CSMD3: variants seen among roughly 807,000 people sequenced by gnomAD.
CSMD3 encodes CUB and sushi domain-containing protein 3.
In CSMD3, 177 loss-of-function variants were observed where a neutral mutation model predicts 435.2. The ratio of observed to expected loss-of-function variants is 0.41; its 90% CI spans 0.36 to 0.46. The LOEUF is 0.46. CSMD3 is among the 20% of genes least tolerant of loss of function. CSMD3 has a pLI of 0.34. For missense variants in CSMD3, 4,265 were observed against 4,504.6 expected, an observed-to-expected ratio of 0.95 and a Z score of 1.52; for synonymous variants, 1,656 against 1,520.5, an observed-to-expected ratio of 1.09 and a Z score of -2.07.
At chr8:113,215,111 C>T (rs903117199) in intron 3 of CSMD3, among the ~76,000 whole-genome samples, 7 of 151,768 alleles carry the variant, frequency 4.6e-5, no homozygotes, top group Non-Finnish European at 8.8e-5. Flanking sequence ...ATTTTTATGG[C>T]TTTAAAGATA....
intron 13 of CSMD3, among the ~76,000 whole-genome samples, chr8:112,712,548 T>A (rs1380840902): frequency 2.0e-5 from 3 of 152,120 alleles, no homozygotes; most frequent in Non-Finnish European, 4.4e-5. Flanking sequence ...TCACTGCTGA[T>A]GTAGAGTAAC....
chr8:113,430,680 A>G (rs1281638231), intron 1 of CSMD3, among the ~76,000 whole-genome samples: 1 of 152,210 alleles, frequency 6.6e-6, no homozygotes, highest in Non-Finnish European at 1.5e-5. Flanking sequence ...GAACACTTTG[A>G]AAATCACTGT....
chr8:112,884,151 C>T (rs1324689399), intron 10 of CSMD3, among the ~76,000 whole-genome samples: 1 of 151,884 alleles, frequency 6.6e-6, no homozygotes, highest in Non-Finnish European at 1.5e-5. Context: ...ACAGAAACTG[C>T]ACTGAGCTAT....
chr8:113,428,204 A>ATATCTGTCTATCTATC (rs1408422291), intron 1 of CSMD3, among the ~76,000 whole-genome samples: 1 of 146,116 alleles, frequency 6.8e-6, no homozygotes, highest in African/African-American at 2.5e-5. Context: ...CAACTGTGGG[A>ATATCTGTCTATCTATC]TATCTATCTA....
chr8:113,028,071 A>C (rs934504468), intron 5 of CSMD3, among the ~76,000 whole-genome samples: 1 of 152,096 alleles, frequency 6.6e-6, no homozygotes, highest in Non-Finnish European at 1.5e-5. Flanking sequence ...GTTTGTGACA[A>C]TGCTGCATTG....
Position 113,314,646 on chromosome 8 carries a change from G to T in CSMD3, c.326C>A (p.Ser109Ter). ...ERNRIQIVFQ[S>*]FALEEEYDYL... ...GTCGTATTCTTCTTCTAGAGCAAAT[G>T]ACTGAAAAACAATTTGTATTCTATT... The change falls in exon 2 of 71, where the codon TCA (serine) becomes TAA (stop). Residue 109 changes from serine (S) to a stop codon, truncating the protein, a stop_gained. Coordinates refer to ENST00000297405, the MANE Select transcript of CSMD3 (RefSeq NM_198123.2). LOFTEE classifies it high-confidence loss of function. 6.2e-7 allele frequency: 1 copy of T among 1,610,924 alleles called. No homozygotes were observed. The highest frequency in any genetic ancestry group is 8.5e-7 in the Non-Finnish European group (1 of 1,177,392).
At chr8:112,349,155 GA>G (rs1391984711) in intron 40 of CSMD3, among the ~76,000 whole-genome samples, 1 of 151,810 alleles carries the variant, frequency 6.6e-6, no homozygotes, top group African/African-American at 2.4e-5. Flanking sequence ...TACATAATGT[GA>G]AAAAATAAAT....
chr8:113,103,782 G>T (rs1476040719), intron 4 of CSMD3, among the ~76,000 whole-genome samples: 1 of 151,960 alleles, frequency 6.6e-6, no homozygotes, highest in Non-Finnish European at 1.5e-5. Context: ...TACCTATAGA[G>T]CAGGGAGAAA....
intron 4 of CSMD3, among the ~76,000 whole-genome samples, chr8:113,133,883 C>G (rs1402913084): frequency 6.6e-6 from 1 of 151,840 alleles, no homozygotes; most frequent in African/African-American, 2.4e-5. Context: ...ATGGTGATTA[C>G]CAGGGGTTAT....
intron 12 of CSMD3, among the ~76,000 whole-genome samples, chr8:112,811,271 T>C (rs1172371437): frequency 6.6e-6 from 1 of 151,978 alleles, no homozygotes; most frequent in Non-Finnish European, 1.5e-5. Context: ...TAAAAAAATG[T>C]AAAAATTTTC....
intron 13 of CSMD3, among the ~76,000 whole-genome samples, chr8:112,702,142 G>A (rs1191447152): frequency 6.6e-6 from 1 of 151,994 alleles, no homozygotes; most frequent in Non-Finnish European, 1.5e-5. Flanking sequence ...TGTATCACAC[G>A]GTTCTAGGCT....
At chr8:113,217,755 T>C (rs934633677) in intron 3 of CSMD3, among the ~76,000 whole-genome samples, 4 of 151,338 alleles carry the variant, frequency 2.6e-5, no homozygotes, top group African/African-American at 9.7e-5. Flanking sequence ...AACTGGAGTC[T>C]AAGAAGAAGA....
chr8:112,692,748 T>C (rs1336417996), intron 13 of CSMD3, among the ~76,000 whole-genome samples: 1 of 152,218 alleles, frequency 6.6e-6, no homozygotes, highest in Non-Finnish European at 1.5e-5. Context: ...TTACCTGAGA[T>C]AATGTGGTCC....
chr8:113,212,877 T>G (rs2132087134), intron 3 of CSMD3, among the ~76,000 whole-genome samples: 1 of 147,674 alleles, frequency 6.8e-6, no homozygotes, highest in Admixed American at 6.8e-5. Flanking sequence ...CCCTAGAACT[T>G]AAAGTATAAT....
intron 1 of CSMD3, among the ~76,000 whole-genome samples, chr8:113,333,456 G>A (rs1449621030): frequency 1.3e-5 from 2 of 151,630 alleles, no homozygotes; most frequent in Non-Finnish European, 3.0e-5. Context: ...TTTTGATTAT[G>A]TATCAGACTT....
intron 61 of CSMD3, among the ~76,000 whole-genome samples, chr8:112,262,686 A>G (rs1014306969): frequency 6.6e-6 from 1 of 152,156 alleles, no homozygotes; most frequent in African/African-American, 2.4e-5. Context: ...TGAATAGTGA[A>G]CATAAAAGCC....
At chr8:112,510,016 C>T (rs1377866686) in intron 28 of CSMD3, among the ~76,000 whole-genome samples, 1 of 152,100 alleles carries the variant, frequency 6.6e-6, no homozygotes, top group Non-Finnish European at 1.5e-5. Flanking sequence ...GCATACCATC[C>T]ACCTGTAGTC....
At chr8:112,254,042 T>C (rs939006022) in intron 63 of CSMD3, among the ~76,000 whole-genome samples, 2 of 152,018 alleles carry the variant, frequency 1.3e-5, no homozygotes, top group African/African-American at 4.8e-5. Flanking sequence ...TTTTAATTTA[T>C]TTTTATGTTC....
intron 13 of CSMD3, among the ~76,000 whole-genome samples, chr8:112,740,210 T>C (rs2077273181): frequency 1.3e-5 from 2 of 151,890 alleles, no homozygotes; most frequent in African/African-American, 2.4e-5. Context: ...TTAAAATATT[T>C]ATTTCCGTCA....
Sources: gnomAD v4.1 joint callset for allele counts (sites outside exome capture counted in the v4.1 genomes callset) on GRCh38, gnomAD v4.1.1 for gene constraint, MANE v1.5 for transcripts, NCBI Gene and HGNC (gene_info 2026-07-23, HGNC 2026-07-21) for gene names.